Variants in XRCC4 observed in about 807,000 individuals in gnomAD.
The protein encoded by XRCC4 is X-ray repair cross complementing 4, also known as DNA repair protein XRCC4.
Under a neutral mutation model 39.1 loss-of-function variants are expected in XRCC4, and 28 were observed. That is an observed-to-expected ratio of 0.72 (90% CI 0.53 to 0.98). The LOEUF (loss-of-function observed/expected upper bound fraction) is 0.98. Among genes scored for constraint, XRCC4 ranks in the 50% least tolerant of loss-of-function variants. XRCC4 has a pLI of 0.00. For missense variants in XRCC4, 350 were observed against 376.4 expected (o/e 0.93, Z 0.58); for synonymous variants, 123 against 126.4 (o/e 0.97, Z 0.18).
At chr5:83,275,835 G>C (rs576682198) in intron 7 of XRCC4, among the ~76,000 whole-genome samples, 1 of 152,162 alleles carries the variant, frequency 6.6e-6, no homozygotes, top group South Asian at 2.1e-4. Context: ...AGTAAAGAAA[G>C]GGATTATTGT....
At chr5:83,249,800 A>G (rs532140301) in intron 6 of XRCC4, among the ~76,000 whole-genome samples, 1 of 152,296 alleles carries the variant, frequency 6.6e-6, no homozygotes, top group Admixed American at 6.5e-5. Context: ...ATCTTGTCCT[A>G]GTTCTAACCA....
intron 7 of XRCC4, among the ~76,000 whole-genome samples, chr5:83,348,400 C>T (rs1756982672): frequency 6.6e-6 from 1 of 152,258 alleles, no homozygotes; most frequent in Admixed American, 6.5e-5. Context: ...CTCTTGCACT[C>T]TGCACATCTG....
intron 1 of XRCC4, among the ~76,000 whole-genome samples, chr5:83,086,747 G>A (rs907586080): frequency 3.3e-5 from 5 of 152,008 alleles, no homozygotes; most frequent in Non-Finnish European, 5.9e-5. Context: ...AACTGTGTAT[G>A]TGCCTTAATT....
chr5:83,336,132 TATACTTTAGCCATTTAAA>T (rs1756587041), intron 7 of XRCC4, among the ~76,000 whole-genome samples: 1 of 152,070 alleles, frequency 6.6e-6, no homozygotes, highest in Non-Finnish European at 1.5e-5. Flanking sequence ...AATAAAAGAA[TATACTTTAGCCATTTAAA>T]ACATTAAGAT....
intron 6 of XRCC4, among the ~76,000 whole-genome samples, chr5:83,242,812 A>G (rs1400727254): frequency 6.6e-6 from 1 of 152,196 alleles, no homozygotes; most frequent in Non-Finnish European, 1.5e-5. Context: ...GTGCCAAGCT[A>G]ACTGCTTTAC....
intron 7 of XRCC4, chr5:83,310,892 C>T (rs898780751): frequency 4.4e-6 from 2 of 455,498 alleles, no homozygotes; most frequent in Admixed American, 4.7e-5. Context: ...GAACGTGAGC[C>T]AACAGATCCA....
intron 7 of XRCC4, among the ~76,000 whole-genome samples, chr5:83,275,255 G>T (rs1397517690): frequency 4.0e-5 from 6 of 151,842 alleles, no homozygotes; most frequent in Non-Finnish European, 8.8e-5. Flanking sequence ...AAACAGCTTT[G>T]CAGGTCGTGA....
rs1463461767 is a variant in XRCC4, at chr5:83,170,656, T to C, written c.316-25114T>C. Among the ~76,000 whole-genome samples, 7 of 152,300 alleles carry C rather than the reference T, an allele frequency of 4.6e-5. No individual in the cohort carries two copies. In the South Asian group the frequency reaches 1.4e-3, roughly 32 times the overall value. Reference sequence around the variant, plus strand: ...AGCAACAGACAAGTTCCTTCAAGTCTAATTCCCACTCCTCATGAAGAACCC... The same window carrying C: ...AGCAACAGACAAGTTCCTTCAAGTCCAATTCCCACTCCTCATGAAGAACCC... On this transcript the variant is annotated intron_variant, in intron 3 of 7. Transcript: ENST00000396027.
chr5:83,368,083 A>G, the XRCC4 span, among the ~76,000 whole-genome samples: 1 of 151,896 alleles, frequency 6.6e-6, no homozygotes, highest in Admixed American at 6.6e-5. Context: ...ATAAGAAAAA[A>G]AAAAAAGGAG....
At chr5:83,285,990 C>G (rs1321108203) in intron 7 of XRCC4, among the ~76,000 whole-genome samples, 1 of 151,976 alleles carries the variant, frequency 6.6e-6, no homozygotes, top group Admixed American at 6.6e-5. Context: ...CTAAGATATC[C>G]CCTGTGCTTG....
intron 4 of XRCC4, among the ~76,000 whole-genome samples, chr5:83,197,762 G>T (rs914174113): frequency 1.3e-5 from 2 of 152,050 alleles, no homozygotes; most frequent in Admixed American, 1.3e-4. Context: ...CTATTTTTTT[G>T]ATAGTACTGT....
At chr5:83,082,922 C>A (rs1231223637) in intron 1 of XRCC4, among the ~76,000 whole-genome samples, 1 of 152,162 alleles carries the variant, frequency 6.6e-6, no homozygotes, top group Non-Finnish European at 1.5e-5. Context: ...GCCATACTTA[C>A]CACCCTGTTT....
intron 7 of XRCC4, among the ~76,000 whole-genome samples, chr5:83,322,189 T>C (rs920930882): frequency 6.6e-6 from 1 of 151,944 alleles, no homozygotes; most frequent in African/African-American, 2.4e-5. Flanking sequence ...GGAATATTGT[T>C]AGACATTTAA....
intron 3 of XRCC4, among the ~76,000 whole-genome samples, chr5:83,162,135 C>G (rs2112587644): frequency 6.6e-6 from 1 of 152,078 alleles, no homozygotes; most frequent in Middle Eastern, 3.4e-3. Flanking sequence ...CCACTGCACT[C>G]CAGCCTGGGC....
chr5:83,228,372 A>G (rs1373828165), intron 6 of XRCC4, among the ~76,000 whole-genome samples: 1 of 151,986 alleles, frequency 6.6e-6, no homozygotes, highest in Non-Finnish European at 1.5e-5. Flanking sequence ...AGGAAAAACC[A>G]TGTGTCCTTG....
At chr5:83,096,890 C>T (rs1194666977) in intron 1 of XRCC4, among the ~76,000 whole-genome samples, 1 of 151,414 alleles carries the variant, frequency 6.6e-6, no homozygotes, top group East Asian at 1.9e-4. Context: ...TTTCTAGTTT[C>T]CCACAGTCCC....
In XRCC4 at chr5:83,111,166, G is replaced by A; in HGVS notation, c.278G>A (p.Cys93Tyr). 6.9e-6 allele frequency: 11 copies of A among 1,593,978 alleles called. No individual in the cohort carries two copies. Among genetic ancestry groups the A allele is most frequent in the Non-Finnish European group, 8.5e-6 (10 of 1,173,772 alleles). Residue 93 changes from cysteine to tyrosine, a missense_variant, in exon 3 of 8, where the codon TGT becomes TAT. By Grantham distance (194) the Cys-to-Tyr change is radical. Transcript: ENST00000396027. ...ACGTTTAATTTTTCTAAAGAGTCTT[G>A]TTATTTCTTCTTTGAGAAAAACCTG... ...VYTFNFSKES[C>Y]YFFFEKNLKD...
At chr5:83,097,264 A>T (rs917096366) in intron 1 of XRCC4, among the ~76,000 whole-genome samples, 1 of 152,144 alleles carries the variant, frequency 6.6e-6, no homozygotes, top group Non-Finnish European at 1.5e-5. Flanking sequence ...TCATTTTTAT[A>T]GGTTAAAAAT....
chr5:83,173,700 C>T (rs1749828950), intron 3 of XRCC4, among the ~76,000 whole-genome samples: 1 of 152,084 alleles, frequency 6.6e-6, no homozygotes, highest in African/African-American at 2.4e-5. Context: ...CATCTAGTTC[C>T]TATAGGACTA....
Sources: allele counts gnomAD v4.1 joint callset (sites outside exome capture counted in the v4.1 genomes callset), GRCh38; gene constraint gnomAD v4.1.1; transcripts MANE v1.5; gene names NCBI Gene and HGNC (gene_info 2026-07-23, HGNC 2026-07-21).